The following FGFR2 variants were observed in gnomAD, a reference collection of about 807,000 sequenced individuals.
The protein encoded by FGFR2 is fibroblast growth factor receptor 2.
FGFR2 carries 19 observed loss-of-function variants against 95.9 expected under a neutral mutation model. The observed-to-expected ratio is 0.20, with a 90% CI of 0.14 to 0.29. The LOEUF (loss-of-function observed/expected upper bound fraction) is 0.29, where lower values mean the gene tolerates loss of function less well. Among genes scored for constraint, FGFR2 ranks in the 10% least tolerant of loss-of-function variants. The probability of loss-of-function intolerance (pLI) is 1.00; values close to 1 mark genes in which losing one functional copy is unlikely to be tolerated. For missense variants in FGFR2, 707 were observed against 1,056.9 expected (o/e 0.67, Z 4.59); for synonymous variants, 392 against 393.3 (o/e 1.00, Z 0.04).
At chr10:121,552,583 C>T (rs757838101) in intron 4 of FGFR2, among the ~76,000 whole-genome samples, 11 of 152,198 alleles carry the variant, frequency 7.2e-5, no homozygotes, top group Non-Finnish European at 1.5e-4. Flanking sequence ...CCCTACTCTC[C>T]ACTGCTAAGA....
chr10:121,559,386 G>A (rs1209062880), intron 4 of FGFR2, among the ~76,000 whole-genome samples: 2 of 152,148 alleles, frequency 1.3e-5, no homozygotes, highest in African/African-American at 4.8e-5. Flanking sequence ...TGTTTTAATG[G>A]CAACGTCCCC....
intron 2 of FGFR2, among the ~76,000 whole-genome samples, chr10:121,575,908 G>A (rs913081181): frequency 8.0e-5 from 12 of 150,904 alleles, no homozygotes; most frequent in African/African-American, 1.5e-4. Flanking sequence ...ATAAAAGGCC[G>A]GGCGCAGTGG....
In FGFR2 at chr10:121,500,812, G is replaced by A. The variant is rs1847504439; in HGVS notation, c.1561+14C>T. 5.6e-6 allele frequency: 9 copies of A among 1,612,428 alleles called. No homozygotes were observed. Among genetic ancestry groups the A allele is most frequent in the Admixed American group, 3.3e-5 (2 of 59,984 alleles). On this transcript the variant is annotated intron_variant, in intron 11 of 17. Transcript: ENST00000358487. ...CACCCAGCCCCTCCCCGAGCCTCCCGCCTCCCCGCTCACCTTTCAACATCT... is the reference window on the plus strand; with the variant it reads ...CACCCAGCCCCTCCCCGAGCCTCCCACCTCCCCGCTCACCTTTCAACATCT...
chr10:121,585,401 T>C (rs1861673880), intron 2 of FGFR2, among the ~76,000 whole-genome samples: 1 of 152,190 alleles, frequency 6.6e-6, no homozygotes, highest in African/African-American at 2.4e-5. Context: ...AGTAAACATC[T>C]TGTTGGTCCA....
At chr10:121,547,092 C>T (rs149842846) in intron 5 of FGFR2, among the ~76,000 whole-genome samples, 1,936 of 152,118 alleles carry the variant, frequency 0.013, 29 homozygotes, top group African/African-American at 0.04. Flanking sequence ...GGTGTGGTGG[C>T]GGGCACCTGT....
chr10:121,498,848 G>A (rs1399915866), intron 11 of FGFR2, among the ~76,000 whole-genome samples: 1 of 152,118 alleles, frequency 6.6e-6, no homozygotes, highest in African/African-American at 2.4e-5. Context: ...ACGAGAGCAG[G>A]GGCTTCTGAC....
chr10:121,559,590 C>A (rs1020495651), intron 4 of FGFR2, among the ~76,000 whole-genome samples: 1 of 152,222 alleles, frequency 6.6e-6, no homozygotes, highest in Non-Finnish European at 1.5e-5. Context: ...AGACACCAAA[C>A]AGAGGCACCT....
chr10:121,498,665 T>G (rs1195188108), intron 11 of FGFR2, 60 bp from the exon 12 acceptor site: 1 of 1,382,694 alleles, frequency 7.2e-7, no homozygotes, highest in Non-Finnish European at 1.0e-6. Context: ...GGGCAGCTAC[T>G]GTTAGTTGCC....
At chr10:121,595,129 C>A (rs1381370400) in intron 1 of FGFR2, among the ~76,000 whole-genome samples, 1 of 152,194 alleles carries the variant, frequency 6.6e-6, no homozygotes, top group East Asian at 1.9e-4. Flanking sequence ...CAGGAATGAA[C>A]CACATTTTCT....
At chr10:121,577,603 C>CG in intron 2 of FGFR2, among the ~76,000 whole-genome samples, 1 of 151,968 alleles carries the variant, frequency 6.6e-6, no homozygotes, top group South Asian at 2.1e-4. Context: ...GAGGACTTCT[C>CG]GCCTTTCTAG....
In FGFR2 at chr10:121,503,718, G is replaced by T. The variant is rs1589779525; in HGVS notation, c.1439+72C>A. On this transcript the variant is annotated intron_variant, in intron 10 of 17. Coordinates refer to ENST00000358487, the MANE Select transcript of FGFR2 (RefSeq NM_000141.5). Reference sequence around the variant, plus strand: ...CCTTTGTGGCTAAGGGTCATAAAAAGAAAATGTTAATCCAATATCCCCATT... The same window carrying T: ...CCTTTGTGGCTAAGGGTCATAAAAATAAAATGTTAATCCAATATCCCCATT... 6 of 1,564,412 alleles carry T rather than the reference G, an allele frequency of 3.8e-6. No homozygotes were observed. The South Asian group carries it at 5.6e-5, about 15-fold the overall frequency.
At chr10:121,508,982 T>C (rs2134137435) in intron 9 of FGFR2, among the ~76,000 whole-genome samples, 1 of 152,374 alleles carries the variant, frequency 6.6e-6, no homozygotes, top group African/African-American at 2.4e-5. Flanking sequence ...CATTCCCCTG[T>C]GGGACTCCAT....
intron 6 of FGFR2, among the ~76,000 whole-genome samples, chr10:121,520,426 G>A (rs1850375272): frequency 6.6e-6 from 1 of 152,142 alleles, no homozygotes; most frequent in South Asian, 2.1e-4. Flanking sequence ...CAGGTTATTG[G>A]CTGTCCACTG....
intron 17 of FGFR2, 54 bp downstream of exon 17, chr10:121,483,644 C>T (rs984097056): frequency 3.3e-5 from 42 of 1,267,738 alleles, no homozygotes; most frequent in South Asian, 9.8e-5. Context: ...TAAAACACTA[C>T]GCATGTCTCA....
In FGFR2 at chr10:121,517,093, C is replaced by T. The variant is rs1359528345; in HGVS notation, c.1084+226G>A. 5.1e-6 allele frequency: 3 copies of T among 590,436 alleles called. No homozygotes were observed. Among genetic ancestry groups the T allele is most frequent in the African/African-American group, 1.9e-5 (1 of 53,696 alleles). 36.6% of individuals were successfully genotyped at this position (590,436 alleles called of 1,614,324 possible). A position where few individuals can be genotyped will look rare whatever the true frequency, so the allele number is the denominator to read the frequency against. On this transcript the variant is annotated intron_variant, in intron 8 of 17. Coordinates refer to ENST00000358487, the MANE Select transcript of FGFR2 (RefSeq NM_000141.5). The surrounding 1 kb of genome is among the most constrained non-coding windows in gnomAD (Gnocchi z 4.7). ...ACTCACTAAAAATATGAGATCCCTTCAGGTTTTAAGGGTGAAATTTCCCTT... is the reference window on the plus strand; with the variant it reads ...ACTCACTAAAAATATGAGATCCCTTTAGGTTTTAAGGGTGAAATTTCCCTT...
At chr10:121,545,781 A>G (rs1854410157) in intron 5 of FGFR2, among the ~76,000 whole-genome samples, 2 of 152,246 alleles carry the variant, frequency 1.3e-5, no homozygotes, top group South Asian at 4.1e-4. Context: ...CTATGCTTCA[A>G]AACAACCAGT....
intron 8 of FGFR2, 90 bp from the exon 9 acceptor site, chr10:121,515,409 C>A: frequency 7.6e-7 from 1 of 1,311,776 alleles, no homozygotes; most frequent in Non-Finnish European, 1.1e-6. Context: ...CCAAAGGAAC[C>A]AAAAGGCGAC....
In FGFR2 at chr10:121,564,572, G is replaced by A. The variant is rs2135090841; in HGVS notation, c.384C>T (p.Ile128=). The change falls in exon 4 of 18, where the codon ATC becomes ATT. Residue 128 remains isoleucine, a synonymous_variant. Coordinates refer to ENST00000358487, the MANE Select transcript of FGFR2 (RefSeq NM_000141.5). Reference sequence around the variant, plus strand: ...TGTCATCCTCATCATCTCCGGATGAGATGGCATCTGTATGCAAAAGAACAT... The same window carrying A: ...TGTCATCCTCATCATCTCCGGATGAAATGGCATCTGTATGCAAAAGAACAT... The part of the protein sequence containing the change: ...WYFMVNVTDA[I]SSGDDEDDTD... 7 of 1,613,896 alleles carry A rather than the reference G, an allele frequency of 4.3e-6. No individual in the cohort carries two copies. The highest frequency in any genetic ancestry group is 5.1e-6 in the Non-Finnish European group (6 of 1,179,926).
chr10:121,519,142 T>A (rs3135756), intron 7 of FGFR2, among the ~76,000 whole-genome samples: 135 of 152,158 alleles, frequency 8.9e-4, no homozygotes, highest in African/African-American at 3.0e-3. Flanking sequence ...TGGCTGAAAG[T>A]TCTTAGCTGG....
Sources: gnomAD v4.1 joint callset for allele counts (sites outside exome capture counted in the v4.1 genomes callset) on GRCh38, gnomAD v4.1.1 for gene constraint, Gnocchi (gnomAD v3.1) non-coding constraint, MANE v1.5 for transcripts, NCBI Gene and HGNC (gene_info 2026-07-23, HGNC 2026-07-21) for gene names.